ZMYM2: variants seen among roughly 807,000 people sequenced by gnomAD.
ZMYM2 encodes the protein zinc finger MYM-type protein 2.
A neutral mutation model predicts 162.8 loss-of-function variants in ZMYM2; 56 were observed. That is an observed-to-expected ratio of 0.34 (90% confidence interval 0.28 to 0.43). The LOEUF (loss-of-function observed/expected upper bound fraction) is 0.43. Ranked by LOEUF, ZMYM2 falls within the 20% of genes least tolerant of loss-of-function variation. ZMYM2 has a pLI of 1.00. For synonymous variants in ZMYM2, 510 were observed against 541.6 expected, an observed-to-expected ratio of 0.94 and a Z score of 0.81; for missense variants, 1,275 against 1,621.8, an observed-to-expected ratio of 0.79 and a Z score of 3.67.
At chr13:20,078,290 A>G (rs1019800162) in intron 21 of ZMYM2, among the ~76,000 whole-genome samples, 1 of 150,204 alleles carries the variant, frequency 6.7e-6, no homozygotes, top group Non-Finnish European at 1.5e-5. Context: ...TTATTCATAT[A>G]ACGTTTAATA....
the ZMYM2 span, among the ~76,000 whole-genome samples, chr13:19,937,511 T>C: frequency 0.33 from 48,608 of 146,892 alleles, 8,297 homozygotes; most frequent in East Asian, 0.39. Context: ...TCGCTCAAGC[T>C]TGAGTGCAGT....
chr13:19,987,570 TAC>T (rs909857112), intron 2 of ZMYM2, among the ~76,000 whole-genome samples: 1 of 146,218 alleles, frequency 6.8e-6, no homozygotes. Context: ...GGCGCCCCGC[TAC>T]GTGTGTGTGT....
intron 6 of ZMYM2, among the ~76,000 whole-genome samples, chr13:20,014,272 C>T (rs1951432037): frequency 6.6e-6 from 1 of 152,132 alleles, no homozygotes; most frequent in Non-Finnish European, 1.5e-5. Flanking sequence ...TGGGGTTTCA[C>T]CATGTTGGCC....
At chr13:20,074,102 G>A (rs1035039417) in intron 21 of ZMYM2, among the ~76,000 whole-genome samples, 2 of 151,876 alleles carry the variant, frequency 1.3e-5, no homozygotes, top group Non-Finnish European at 2.9e-5. Flanking sequence ...TCATATAAGT[G>A]GAATCATGCA....
the ZMYM2 span, among the ~76,000 whole-genome samples, chr13:19,885,900 CATATATATGTATAT>C: frequency 1.6e-4 from 16 of 97,666 alleles, 3 homozygotes; most frequent in Non-Finnish European, 2.6e-4. Flanking sequence ...TGTGTATACA[CATATATATGTATAT>C]ACACATATAT....
At chr13:19,886,186 C>CAG in the ZMYM2 span, among the ~76,000 whole-genome samples, 2 of 86,126 alleles carry the variant, frequency 2.3e-5, no homozygotes, top group Non-Finnish European at 4.3e-5. Context: ...TTTTTTGAGA[C>CAG]AGAGTTTCAC....
At chr13:19,938,787 T>C in the ZMYM2 span, among the ~76,000 whole-genome samples, 75 of 152,152 alleles carry the variant, frequency 4.9e-4, no homozygotes, top group African/African-American at 1.8e-3. Context: ...GAGTTCCCTT[T>C]GCTTTAATCC....
intron 2 of ZMYM2, among the ~76,000 whole-genome samples, chr13:19,963,549 T>C (rs1271531571): frequency 6.6e-6 from 1 of 152,186 alleles, no homozygotes; most frequent in Admixed American, 6.5e-5. Flanking sequence ...CACATTTTTA[T>C]ATTTACAACC....
chr13:20,018,694 G>T (rs974162687), intron 6 of ZMYM2, among the ~76,000 whole-genome samples: 1 of 152,188 alleles, frequency 6.6e-6, no homozygotes, highest in Non-Finnish European at 1.5e-5. Flanking sequence ...TTCATGGAAA[G>T]CAGGAAGCAT....
At chr13:19,928,198 C>T in the ZMYM2 span, among the ~76,000 whole-genome samples, 6 of 152,104 alleles carry the variant, frequency 3.9e-5, no homozygotes, top group Admixed American at 3.3e-4. Flanking sequence ...TTTGTAGAGG[C>T]GAGGTCCACC....
At chr13:19,879,870 T>C in the ZMYM2 span, among the ~76,000 whole-genome samples, 1 of 152,212 alleles carries the variant, frequency 6.6e-6, no homozygotes, top group Non-Finnish European at 1.5e-5. Context: ...AGTCAGGAGA[T>C]TGAGTAAAGA....
the ZMYM2 span, among the ~76,000 whole-genome samples, chr13:19,944,858 A>G: frequency 6.6e-6 from 1 of 152,112 alleles, no homozygotes; most frequent in African/African-American, 2.4e-5. Flanking sequence ...TTTAGTAGAG[A>G]TGGGGTTTTG....
the ZMYM2 span, among the ~76,000 whole-genome samples, chr13:19,913,315 C>G: frequency 1.9e-4 from 29 of 152,110 alleles, no homozygotes; most frequent in Non-Finnish European, 3.8e-4. Flanking sequence ...TTGACTTGAG[C>G]TATCCATTAT....
the ZMYM2 span, among the ~76,000 whole-genome samples, chr13:19,939,109 C>T: frequency 1.3e-4 from 19 of 150,892 alleles, no homozygotes; most frequent in Non-Finnish European, 2.4e-4. Flanking sequence ...CTGCAACCTC[C>T]GCCTCCTGGG....
chr13:19,923,249 C>T, the ZMYM2 span, among the ~76,000 whole-genome samples: 10 of 139,494 alleles, frequency 7.2e-5, no homozygotes, highest in Admixed American at 2.3e-4. Flanking sequence ...CCCAGCTATT[C>T]GGGAGGCTGA....
the ZMYM2 span, among the ~76,000 whole-genome samples, chr13:19,878,522 T>TCCC: frequency 7.0e-6 from 1 of 142,616 alleles, no homozygotes; most frequent in African/African-American, 2.6e-5. Flanking sequence ...TTGCCCTTTT[T>TCCC]TTTTTTTTTT....
chr13:20,052,953 A>G (rs1955495893), intron 14 of ZMYM2, among the ~76,000 whole-genome samples: 1 of 152,202 alleles, frequency 6.6e-6, no homozygotes, highest in Non-Finnish European at 1.5e-5. Flanking sequence ...GAGTTTAACA[A>G]TTTGGGAAAT....
the ZMYM2 span, among the ~76,000 whole-genome samples, chr13:19,920,580 A>C: frequency 6.6e-6 from 1 of 151,702 alleles, no homozygotes; most frequent in Non-Finnish European, 1.5e-5. Context: ...GAGGTGATTA[A>C]GGGGAAAGAG....
At chr13:20,045,474 A>G (rs1222949745) in intron 12 of ZMYM2, among the ~76,000 whole-genome samples, 1 of 152,240 alleles carries the variant, frequency 6.6e-6, no homozygotes, top group Non-Finnish European at 1.5e-5. Context: ...CATACACTCT[A>G]AAACGTGTTT....
Sources: gnomAD v4.1 joint callset for allele counts (sites outside exome capture counted in the v4.1 genomes callset) on GRCh38, gnomAD v4.1.1 for gene constraint, MANE v1.5 for transcripts, NCBI Gene and HGNC (gene_info 2026-07-23, HGNC 2026-07-21) for gene names.